ABCB7: variants seen among roughly 807,000 people sequenced by gnomAD.
ABCB7 encodes the protein iron-sulfur clusters transporter ABCB7, mitochondrial.
Under a neutral mutation model 54.4 loss-of-function variants are expected in ABCB7, and 7 were observed. The observed-to-expected ratio is 0.13, with a 90% CI of 0.07 to 0.24. The LOEUF is 0.24. Ranked by LOEUF, ABCB7 falls within the 10% of genes least tolerant of loss-of-function variation. The pLI, the probability that ABCB7 is intolerant of heterozygous loss-of-function variation, is 1.00. For synonymous variants in ABCB7, 218 were observed against 207.1 expected, an observed-to-expected ratio of 1.05 and a Z score of -0.45; for missense variants, 356 against 570.4, an observed-to-expected ratio of 0.62 and a Z score of 3.83.
intron 4 of ABCB7, among the ~76,000 whole-genome samples, chrX:75,086,520 C>T (rs1433250771): frequency 8.9e-6 from 1 of 111,919 alleles, no homozygotes; most frequent in African/African-American, 3.3e-5. Flanking sequence ...AATAAATTCA[C>T]CTCTTTCAGA....
At chrX:75,118,761 G>C (rs1308580969) in intron 1 of ABCB7, among the ~76,000 whole-genome samples, 1 of 111,659 alleles carries the variant, frequency 9.0e-6, no homozygotes, top group Non-Finnish European at 1.9e-5. Context: ...CTGCAGGTTT[G>C]GATCAGAGAA....
At chrX:75,071,917 T>C (rs1602342211) in intron 8 of ABCB7, among the ~76,000 whole-genome samples, 1 of 111,288 alleles carries the variant, frequency 9.0e-6, no homozygotes, top group African/African-American at 3.3e-5. Flanking sequence ...GCTTATCTAA[T>C]TGCAACCCGA....
At chrX:75,140,714 G>A (rs1298662588) in intron 1 of ABCB7, among the ~76,000 whole-genome samples, 1 of 111,289 alleles carries the variant, frequency 9.0e-6, no homozygotes, top group Non-Finnish European at 1.9e-5. Context: ...CAGGATAAAA[G>A]GCTAGGACAG....
chrX:75,060,127 CA>C (rs1430893054), intron 15 of ABCB7, 95 bp downstream of exon 15: 7 of 742,974 alleles, frequency 9.4e-6, no homozygotes, highest in African/African-American at 2.1e-5. Context: ...GATTCAGTCT[CA>C]ACCAAATAAT....
chrX:75,108,748 A>G (rs1246481573), intron 3 of ABCB7, among the ~76,000 whole-genome samples: 1 of 111,100 alleles, frequency 9.0e-6, no homozygotes, highest in Non-Finnish European at 1.9e-5. Flanking sequence ...ACTGAAAACG[A>G]GGTGGCCCAA....
intron 12 of ABCB7, among the ~76,000 whole-genome samples, chrX:75,066,343 C>T (rs749518303): frequency 9.0e-6 from 1 of 111,180 alleles, no homozygotes; most frequent in Non-Finnish European, 1.9e-5. Flanking sequence ...CATTTATATA[C>T]CTATTAATAA....
intron 1 of ABCB7, among the ~76,000 whole-genome samples, chrX:75,135,979 G>C (rs1305196287): frequency 1.0e-4 from 7 of 67,397 alleles, no homozygotes; most frequent in African/African-American, 3.3e-4. Context: ...TTTCTAGCCA[G>C]AGCAATCAGG....
chrX:75,070,272 G>T, intron 10 of ABCB7, 93 bp downstream of exon 10: 1 of 933,416 alleles, frequency 1.1e-6, no homozygotes, highest in Non-Finnish European at 1.5e-6. Flanking sequence ...AAATTGGTTT[G>T]CTAATGTGGT....
At chrX:75,124,009 C>T (rs2081903849) in intron 1 of ABCB7, among the ~76,000 whole-genome samples, 1 of 111,965 alleles carries the variant, frequency 8.9e-6, no homozygotes, top group South Asian at 3.7e-4. Context: ...GATTGTTTTT[C>T]CAACCATTAA....
intron 4 of ABCB7, among the ~76,000 whole-genome samples, chrX:75,085,248 G>T (rs984650812): frequency 1.8e-5 from 2 of 112,149 alleles, no homozygotes; most frequent in African/African-American, 6.5e-5. Context: ...TCCATACCAT[G>T]GAATACTATT....
At position 75,076,457 on chromosome X, in the gene ABCB7, C is replaced by T. The variant is rs372641843; in HGVS notation, c.586+65G>A. 29 of 1,174,071 alleles carry T rather than the reference C, an allele frequency of 2.5e-5. No homozygotes were observed. The African/African-American group carries it at 3.2e-4, about 13-fold the overall frequency. Reference sequence around the variant, plus strand: ...GTTTGTAGTGAAAAGGTCATCTGCTCAAATATGATGAAACCTCCTTGAAGA... The same window carrying T: ...GTTTGTAGTGAAAAGGTCATCTGCTTAAATATGATGAAACCTCCTTGAAGA... On this transcript the variant is annotated intron_variant, in intron 5 of 15. Transcript: ENST00000373394.
chrX:75,102,831 T>C (rs2081651370), intron 3 of ABCB7, among the ~76,000 whole-genome samples: 1 of 111,129 alleles, frequency 9.0e-6, no homozygotes, highest in Non-Finnish European at 1.9e-5. Flanking sequence ...TTTTTTGTCT[T>C]TTTATTCATG....
intron 1 of ABCB7, among the ~76,000 whole-genome samples, chrX:75,150,487 AG>A (rs1274642680): frequency 8.9e-6 from 1 of 111,783 alleles, no homozygotes; most frequent in East Asian, 2.8e-4. Flanking sequence ...CTGAGCACCA[AG>A]AAAAAAAATG....
intron 1 of ABCB7, among the ~76,000 whole-genome samples, chrX:75,136,038 T>C (rs2082006890): frequency 9.1e-6 from 1 of 110,320 alleles, no homozygotes; most frequent in Non-Finnish European, 1.9e-5. Context: ...GAAATCAATT[T>C]ATCTCTCTTC....
At position 75,092,151 on chromosome X, in the gene ABCB7, G is replaced by A. The variant is rs772481602; in HGVS notation, c.453+6791C>T. Among the ~76,000 whole-genome samples, 3 of 111,111 alleles carry A rather than the reference G, an allele frequency of 2.7e-5. No individual in the cohort carries two copies. The East Asian group carries it at 8.4e-4, about 31-fold the overall frequency. Reference sequence around the variant, plus strand: ...AAGAAGAAAACAATACTGGAGGTCTGACACTACCTGACTATAAGACTTACT... The same window carrying A: ...AAGAAGAAAACAATACTGGAGGTCTAACACTACCTGACTATAAGACTTACT... On this transcript the variant is annotated intron_variant, in intron 4 of 15. Coordinates refer to ENST00000373394, the MANE Select transcript of ABCB7 (RefSeq NM_001271696.3).
chrX:75,121,868 T>C lies in ABCB7; in HGVS notation c.169-7037A>G, dbSNP rs771876928. ...AGAGTTATGAATGGCCCTCAACACATTGATGCTTTCTGACTGAGCTCCTCT... is the reference window on the plus strand; with the variant it reads ...AGAGTTATGAATGGCCCTCAACACACTGATGCTTTCTGACTGAGCTCCTCT... On this transcript the variant is annotated intron_variant, in intron 1 of 15. Coordinates refer to ENST00000373394, the MANE Select transcript of ABCB7 (RefSeq NM_001271696.3). Among the ~76,000 whole-genome samples, 12 of 111,889 alleles carry C rather than the reference T, an allele frequency of 1.1e-4. No homozygotes were observed. The East Asian group carries it at 2.0e-3, about 18-fold the overall frequency.
intron 15 of ABCB7, among the ~76,000 whole-genome samples, chrX:75,057,150 A>G (rs1280424315): frequency 8.9e-6 from 1 of 111,834 alleles, no homozygotes; most frequent in Non-Finnish European, 1.9e-5. Flanking sequence ...TTAAAACTTC[A>G]TTCTCTTTTC....
chrX:75,075,910 C>T, intron 5 of ABCB7, among the ~76,000 whole-genome samples: 1 of 111,601 alleles, frequency 9.0e-6, no homozygotes, highest in Non-Finnish European at 1.9e-5. Context: ...CATGGCATTA[C>T]TGTGGATAAA....
At chrX:75,062,792 A>G (rs2081290646) in intron 13 of ABCB7, among the ~76,000 whole-genome samples, 1 of 111,575 alleles carries the variant, frequency 9.0e-6, no homozygotes, top group Non-Finnish European at 1.9e-5. Context: ...AAAAATTTCA[A>G]TGACAGAATT....
Sources: gnomAD v4.1 joint callset for allele counts (sites outside exome capture counted in the v4.1 genomes callset) on GRCh38, gnomAD v4.1.1 for gene constraint, MANE v1.5 for transcripts, NCBI Gene and HGNC (gene_info 2026-07-23, HGNC 2026-07-21) for gene names.